Variants in MACROD2 observed in about 807,000 individuals in gnomAD.
MACROD2 encodes the protein ADP-ribose glycohydrolase MACROD2.
MACROD2 carries 36 observed loss-of-function variants against 70.4 expected under a neutral mutation model. The observed-to-expected ratio is 0.51, with a 90% CI of 0.39 to 0.68. MACROD2 has a LOEUF of 0.68. Ranked by LOEUF, MACROD2 falls within the 30% of genes least tolerant of loss-of-function variation. MACROD2 has a pLI of 0.00. For synonymous variants in MACROD2, 172 were observed against 178.8 expected, an observed-to-expected ratio of 0.96 and a Z score of 0.30; for missense variants, 496 against 538.4, an observed-to-expected ratio of 0.92 and a Z score of 0.78.
chr20:15,730,046 T>C (rs968987469), intron 8 of MACROD2, among the ~76,000 whole-genome samples: 1 of 152,110 alleles, frequency 6.6e-6, no homozygotes, highest in Admixed American at 6.5e-5. Context: ...CAGGCTGGTC[T>C]TGAACTCCTG....
At chr20:15,183,210 G>A (rs2073039201) in intron 5 of MACROD2, among the ~76,000 whole-genome samples, 1 of 152,062 alleles carries the variant, frequency 6.6e-6, no homozygotes, top group Non-Finnish European at 1.5e-5. Context: ...AATAATCACA[G>A]AAATTCTACA....
At chr20:15,947,271 G>T (rs1400354510) in intron 12 of MACROD2, among the ~76,000 whole-genome samples, 2 of 152,094 alleles carry the variant, frequency 1.3e-5, no homozygotes, top group Non-Finnish European at 2.9e-5. Flanking sequence ...GGATGGTCAG[G>T]TCTTTCCCAT....
At chr20:15,715,529 G>C (rs935598089) in intron 8 of MACROD2, among the ~76,000 whole-genome samples, 5 of 151,980 alleles carry the variant, frequency 3.3e-5, no homozygotes, top group South Asian at 2.1e-4. Flanking sequence ...GATAATCAAG[G>C]CTCCATCACT....
chr20:14,872,754 A>G (rs1047432097), intron 5 of MACROD2, among the ~76,000 whole-genome samples: 1 of 152,110 alleles, frequency 6.6e-6, no homozygotes, highest in Non-Finnish European at 1.5e-5. Context: ...TTGTTTTCAC[A>G]CTGTGGTAAA....
chr20:14,024,364 A>G (rs2053128230), intron 2 of MACROD2, among the ~76,000 whole-genome samples: 1 of 152,180 alleles, frequency 6.6e-6, no homozygotes, highest in African/African-American at 2.4e-5. Context: ...CTCTCTTCCT[A>G]TTTGAATACC....
intron 4 of MACROD2, among the ~76,000 whole-genome samples, chr20:14,577,746 C>G (rs1334028077): frequency 7.2e-6 from 1 of 139,594 alleles, no homozygotes. Flanking sequence ...GGCACCACTA[C>G]ACTCCAGCCT....
intron 6 of MACROD2, among the ~76,000 whole-genome samples, chr20:15,270,515 C>T (rs987777553): frequency 1.3e-5 from 2 of 151,916 alleles, no homozygotes; most frequent in Non-Finnish European, 2.9e-5. Context: ...TGTTCTGCAT[C>T]CTGATTATAG....
At chr20:14,894,743 A>T (rs984564545) in intron 5 of MACROD2, 1 of 152,200 alleles carries the variant, frequency 6.6e-6, no homozygotes, top group East Asian at 1.9e-4. Context: ...TTTCTTACCA[A>T]GGATTAATTC....
chr20:15,640,633 C>T (rs893498924), intron 8 of MACROD2, among the ~76,000 whole-genome samples: 1 of 152,212 alleles, frequency 6.6e-6, no homozygotes, highest in African/African-American at 2.4e-5. Flanking sequence ...TTCTTACAGG[C>T]TCTCCCCCAT....
intron 6 of MACROD2, among the ~76,000 whole-genome samples, chr20:15,349,768 A>AAAAC (rs763718362): frequency 6.6e-6 from 1 of 151,664 alleles, no homozygotes; most frequent in African/African-American, 2.4e-5. Flanking sequence ...AAAAAAAAAA[A>AAAAC]ACACACCACG....
intron 5 of MACROD2, among the ~76,000 whole-genome samples, chr20:14,758,839 C>T (rs558805811): frequency 6.6e-6 from 1 of 152,192 alleles, no homozygotes; most frequent in African/African-American, 2.4e-5. Flanking sequence ...ATTAGGTAAA[C>T]ACTGCAAATC....
chr20:14,006,792 T>G (rs1053531668), intron 2 of MACROD2, among the ~76,000 whole-genome samples: 29 of 152,208 alleles, frequency 1.9e-4, no homozygotes, highest in African/African-American at 6.8e-4. Flanking sequence ...ATATTTTGAA[T>G]TTTGCTTACT....
At chr20:15,159,863 C>A (rs937634089) in intron 5 of MACROD2, among the ~76,000 whole-genome samples, 3 of 152,096 alleles carry the variant, frequency 2.0e-5, no homozygotes, top group East Asian at 3.9e-4. Context: ...ATGCTAAATT[C>A]TCAGCGCAGT....
In MACROD2 at chr20:15,730,485, A is replaced by G. The variant is rs187634746; in HGVS notation, c.646-132260A>G. Among the ~76,000 whole-genome samples the G allele has an allele frequency of 1.3e-3, 196 of 152,134 alleles. 1 individual carries two copies. Among genetic ancestry groups the G allele is most frequent in the Admixed American group, 1.6e-3 (24 of 15,294 alleles). ...TGGCTGGATATGGAATTTGGAATTT[A>G]TTTTCCTTAAGAATGCTGACTATAG... On this transcript the variant is annotated intron_variant, in intron 8 of 17. Transcript: ENST00000684519.
At chr20:16,025,977 C>G (rs139692703) in intron 15 of MACROD2, among the ~76,000 whole-genome samples, 5,443 of 126,610 alleles carry the variant, frequency 0.043, 276 homozygotes, top group East Asian at 0.17. Flanking sequence ...GAAACCCCAT[C>G]TCTACTAAAA....
At chr20:15,959,814 G>A (rs2066033786) in intron 12 of MACROD2, among the ~76,000 whole-genome samples, 1 of 152,002 alleles carries the variant, frequency 6.6e-6, no homozygotes, top group Non-Finnish European at 1.5e-5. Flanking sequence ...TTACAAGCAT[G>A]AGCCACCATG....
At chr20:14,463,157 C>T (rs900403798) in intron 3 of MACROD2, among the ~76,000 whole-genome samples, 2 of 152,032 alleles carry the variant, frequency 1.3e-5, no homozygotes, top group Admixed American at 1.3e-4. Context: ...TTGATTCTTC[C>T]TACCCATGAG....
At chr20:14,337,398 A>G (rs571545020) in intron 3 of MACROD2, 2 of 380,048 alleles carry the variant, frequency 5.3e-6, no homozygotes, top group Admixed American at 4.5e-5. Context: ...CATGGAAAAC[A>G]CTTACCAGGA....
chr20:15,950,316 G>T (rs189365429), intron 12 of MACROD2, among the ~76,000 whole-genome samples: 1 of 152,246 alleles, frequency 6.6e-6, no homozygotes, highest in East Asian at 1.9e-4. Context: ...ACACTAAATA[G>T]ATAGGACTGT....
Sources: allele counts gnomAD v4.1 joint callset (sites outside exome capture counted in the v4.1 genomes callset), GRCh38; gene constraint gnomAD v4.1.1; transcripts MANE v1.5; gene names NCBI Gene and HGNC (gene_info 2026-07-23, HGNC 2026-07-21).